DTNA: variants seen among roughly 807,000 people sequenced by gnomAD.
DTNA encodes dystrophin-related protein 3.
DTNA carries 43 observed loss-of-function variants against 100.7 expected under a neutral mutation model. The observed-to-expected ratio is 0.43, with a 90% CI of 0.33 to 0.55. The LOEUF is 0.55. DTNA is among the 20% of genes least tolerant of loss of function. DTNA has a pLI of 0.04. For missense variants in DTNA, 798 were observed against 953.9 expected (o/e 0.84, Z 2.15); for synonymous variants, 349 against 347.9 (o/e 1.00, Z -0.04).
intron 1 of DTNA, among the ~76,000 whole-genome samples, chr18:34,573,432 A>G (rs1166412028): frequency 6.6e-6 from 1 of 152,218 alleles, no homozygotes; most frequent in African/African-American, 2.4e-5. Context: ...ACTTATGAAG[A>G]ACATGCATTA....
intron 1 of DTNA, among the ~76,000 whole-genome samples, chr18:34,622,287 G>A (rs1372793650): frequency 6.6e-6 from 1 of 152,144 alleles, no homozygotes; most frequent in Admixed American, 6.5e-5. Flanking sequence ...CCCTAGTAAA[G>A]TAGGGAGGTG....
At chr18:34,724,224 CT>C (rs1405838171) in intron 1 of DTNA, among the ~76,000 whole-genome samples, 5 of 152,062 alleles carry the variant, frequency 3.3e-5, no homozygotes, top group African/African-American at 4.8e-5. Flanking sequence ...TTGAAATCAC[CT>C]GAAGCAATAA....
intron 1 of DTNA, among the ~76,000 whole-genome samples, chr18:34,588,701 G>GTA (rs946150144): frequency 1.3e-5 from 2 of 148,704 alleles, no homozygotes; most frequent in African/African-American, 5.1e-5. Flanking sequence ...GTGTGTGTGT[G>GTA]TGTGTGTAGA....
At chr18:34,670,878 C>G (rs1165625607) in intron 1 of DTNA, among the ~76,000 whole-genome samples, 3 of 152,214 alleles carry the variant, frequency 2.0e-5, no homozygotes, top group Non-Finnish European at 2.9e-5. Context: ...CAGGGACCCA[C>G]TTGAGGAGGC....
Position 34,671,436 on chromosome 18 carries a change from C to G in DTNA, c.-1-84540C>G, listed in dbSNP as rs35814706. ...ACAACAAGCCCCAGTGAGATGAACC[C>G]GGTACCTCATTTGGAAATTCAGACA... is the stretch of plus-strand genomic sequence containing the variant. On this transcript the variant is annotated intron_variant, in intron 1 of 19. Coordinates refer to the DTNA transcript ENST00000283365. Among the ~76,000 whole-genome samples the G allele has an allele frequency of 3.9e-5, 6 of 152,126 alleles. No homozygotes were observed. In the East Asian group the frequency reaches 7.7e-4, roughly 20 times the overall value.
chr18:34,746,389 G>A (rs2091582583), intron 1 of DTNA, among the ~76,000 whole-genome samples: 3 of 152,040 alleles, frequency 2.0e-5, no homozygotes, highest in Admixed American at 2.0e-4. Flanking sequence ...TAAGGACTTG[G>A]CTACCACAGC....
intron 1 of DTNA, among the ~76,000 whole-genome samples, chr18:34,658,152 A>G (rs571988958): frequency 3.9e-5 from 6 of 152,260 alleles, no homozygotes; most frequent in African/African-American, 1.4e-4. Flanking sequence ...TAAAAAGGAG[A>G]GAGTATGCAG....
intron 1 of DTNA, among the ~76,000 whole-genome samples, chr18:34,718,557 C>T (rs929385743): frequency 6.6e-6 from 1 of 152,092 alleles, no homozygotes; most frequent in Non-Finnish European, 1.5e-5. Flanking sequence ...AGCTGTTATT[C>T]CAGCATCAAA....
At chr18:34,522,591 T>C (rs1246082678) in intron 1 of DTNA, among the ~76,000 whole-genome samples, 2 of 152,210 alleles carry the variant, frequency 1.3e-5, no homozygotes, top group Non-Finnish European at 2.9e-5. Context: ...GTGTTCTATG[T>C]TAACTGATGC....
At chr18:34,885,190 CG>C (rs2096910353) in intron 22 of DTNA, among the ~76,000 whole-genome samples, 1 of 152,148 alleles carries the variant, frequency 6.6e-6, no homozygotes, top group Non-Finnish European at 1.5e-5. Context: ...TACTATACCT[CG>C]GGCTCAAGAG....
intron 1 of DTNA, among the ~76,000 whole-genome samples, chr18:34,498,302 C>T (rs1001520168): frequency 2.0e-5 from 3 of 151,682 alleles, no homozygotes; most frequent in African/African-American, 4.8e-5. Context: ...GACCTACAGG[C>T]GGGACCTGTA....
chr18:34,557,970 C>A (rs867625273), intron 1 of DTNA: 2 of 152,590 alleles, frequency 1.3e-5, no homozygotes, highest in Non-Finnish European at 2.9e-5. Flanking sequence ...CCCCCAGCCT[C>A]GCTGCCGCCT....
At chr18:34,634,541 C>G (rs1425471374) in intron 1 of DTNA, among the ~76,000 whole-genome samples, 1 of 152,086 alleles carries the variant, frequency 6.6e-6, no homozygotes, top group Non-Finnish European at 1.5e-5. Flanking sequence ...TGCATTTGAT[C>G]TGTTACAATA....
intron 1 of DTNA, among the ~76,000 whole-genome samples, chr18:34,510,345 G>A (rs2040935205): frequency 6.6e-6 from 1 of 151,812 alleles, no homozygotes; most frequent in Non-Finnish European, 1.5e-5. Flanking sequence ...CTAGCATCTA[G>A]CATCTAGTTG....
At chr18:34,758,344 T>C (rs544592352) in intron 2 of DTNA, among the ~76,000 whole-genome samples, 95 of 152,352 alleles carry the variant, frequency 6.2e-4, no homozygotes, top group African/African-American at 2.2e-3. Context: ...TGAGATTCTT[T>C]GCTTTAGAAA....
At chr18:34,837,399 T>C (rs542069815) in intron 11 of DTNA, among the ~76,000 whole-genome samples, 2 of 152,332 alleles carry the variant, frequency 1.3e-5, no homozygotes, top group African/African-American at 4.8e-5. Flanking sequence ...AAAACTATAT[T>C]TTAAACTTTA....
In DTNA at chr18:34,829,411, G is replaced by A; in HGVS notation, c.1097G>A (p.Gly366Glu). 1 of 1,535,152 alleles carries A rather than the reference G, an allele frequency of 6.5e-7. No individual in the cohort carries two copies. Among genetic ancestry groups the A allele is most frequent in the East Asian group, 2.4e-5 (1 of 40,894 alleles). ...SPFITRRLPE[G>E]ISASSPVAEE... is the part of the protein sequence containing the mutation. ...TTTGACTCCCTCAGGTTACCTGAGG[G>A]AATAAGTGCATCCAGCCCTGTGGCT... The change falls in exon 11 of 23, where the codon GGA (glycine) becomes GAA (glutamate). Residue 366 changes from glycine to glutamate, a missense_variant. By Grantham distance (98) the Gly-to-Glu change is moderately conservative. Around this residue, in one of 6 missense-constraint regions of DTNA, gnomAD observed 93 missense variants for 90.5 expected, o/e 1.03. Coordinates refer to ENST00000444659, the MANE Select transcript of DTNA (RefSeq NM_001386795.1).
intron 1 of DTNA, among the ~76,000 whole-genome samples, chr18:34,596,341 C>T (rs1356648954): frequency 6.6e-6 from 1 of 152,164 alleles, no homozygotes; most frequent in Non-Finnish European, 1.5e-5. Context: ...ACCTTGGCCT[C>T]CCAAGTAGCT....
chr18:34,881,632 CA>C (rs1568895823), intron 20 of DTNA, among the ~76,000 whole-genome samples: 1 of 151,748 alleles, frequency 6.6e-6, no homozygotes, highest in African/African-American at 2.4e-5. Flanking sequence ...AAATTATAAC[CA>C]AATGTCCTTA....
Sources: allele counts gnomAD v4.1 joint callset (sites outside exome capture counted in the v4.1 genomes callset), GRCh38; gene constraint gnomAD v4.1.1; regional missense constraint gnomAD v4.1.1; transcripts MANE v1.5; gene names NCBI Gene and HGNC (gene_info 2026-07-23, HGNC 2026-07-21).